Variants in PTPRU observed in about 807,000 individuals in gnomAD.
The protein encoded by PTPRU is receptor-type tyrosine-protein phosphatase U.
In PTPRU, 69 loss-of-function variants were observed where a neutral mutation model predicts 166.3. That is an observed-to-expected ratio of 0.41 (90% CI 0.34 to 0.51). The LOEUF (loss-of-function observed/expected upper bound fraction) is 0.51. Ranked by LOEUF, PTPRU falls within the 20% of genes least tolerant of loss-of-function variation. The pLI is 0.09. For missense variants in PTPRU, 1,657 were observed against 2,013.7 expected, an observed-to-expected ratio of 0.82 and a Z score of 3.39; for synonymous variants, 793 against 814.0, an observed-to-expected ratio of 0.97 and a Z score of 0.44.
At chr1:29,274,107 C>T (rs1034855381) in intron 7 of PTPRU, among the ~76,000 whole-genome samples, 10 of 152,146 alleles carry the variant, frequency 6.6e-5, no homozygotes, top group African/African-American at 1.2e-4. Flanking sequence ...CTCAGCTTAC[C>T]GCAACCTCTG....
At chr1:29,244,766 C>A (rs1428776471) in intron 1 of PTPRU, among the ~76,000 whole-genome samples, 1 of 152,098 alleles carries the variant, frequency 6.6e-6, no homozygotes, top group Non-Finnish European at 1.5e-5. Flanking sequence ...ACACTGCATG[C>A]GTTTGTCATG....
At position 29,260,963 on chromosome 1, in the gene PTPRU, G is replaced by A. The variant is rs1386690637; in HGVS notation, c.1144+60G>A. On this transcript the variant is annotated intron_variant, in intron 7 of 29. Coordinates refer to ENST00000373779, the MANE Select transcript of PTPRU (RefSeq NM_133178.4). The surrounding 1 kb of genome is among the most constrained non-coding windows in gnomAD (Gnocchi z 8.3). ...GGTGGGCCCAGGGCTATGGAGGGGC[G>A]CATTCGAGAGGTAGCGTGGCCTGTG... is the stretch of plus-strand genomic sequence containing the variant. 7.6e-6 allele frequency: 11 copies of A among 1,448,608 alleles called. No individual in the cohort carries two copies. The African/African-American group carries it at 1.2e-4, about 15-fold the overall frequency. The allele number at this position is 1,448,608 out of a possible 1,614,324, so 89.7% of individuals were successfully genotyped here.
At position 29,313,676 on chromosome 1, in the gene PTPRU, T is replaced by C. The variant is rs1369387418; in HGVS notation, c.3227+970T>C. On this transcript the variant is annotated intron_variant, in intron 22 of 29. Coordinates refer to ENST00000373779, the MANE Select transcript of PTPRU (RefSeq NM_133178.4). Reference sequence around the variant, plus strand: ...TTCGAGACCAGCCTGGGCAACATAGTGAGACCTCATTGCTACAAAAATAAA... The same window carrying C: ...TTCGAGACCAGCCTGGGCAACATAGCGAGACCTCATTGCTACAAAAATAAA... 2.6e-5 allele frequency among the ~76,000 whole-genome samples: 4 copies of C among 151,954 alleles called. No homozygotes were observed. The East Asian group carries it at 7.8e-4, about 29-fold the overall frequency.
At chr1:29,264,715 G>A (rs754198030) in intron 7 of PTPRU, among the ~76,000 whole-genome samples, 4 of 151,946 alleles carry the variant, frequency 2.6e-5, no homozygotes, top group Admixed American at 6.6e-5. Flanking sequence ...CATGTTGGCC[G>A]GGCTGGTCTC....
At chr1:29,290,473 C>A (rs928394311) in intron 14 of PTPRU, among the ~76,000 whole-genome samples, 3 of 152,220 alleles carry the variant, frequency 2.0e-5, no homozygotes, top group Non-Finnish European at 4.4e-5. Flanking sequence ...TGTCTTCTCT[C>A]TCTGTCTTCT....
intron 8 of PTPRU, among the ~76,000 whole-genome samples, chr1:29,276,846 C>A (rs1557439466): frequency 1.3e-5 from 2 of 152,052 alleles, no homozygotes; most frequent in East Asian, 3.9e-4. Flanking sequence ...GTTCTGTTTG[C>A]CTTTTGAGAT....
intron 7 of PTPRU, among the ~76,000 whole-genome samples, chr1:29,261,222 G>A (rs1047873553): frequency 3.3e-5 from 5 of 152,214 alleles, no homozygotes; most frequent in African/African-American, 9.7e-5. Context: ...TGGCCCAAGA[G>A]CACACAGCTA....
At chr1:29,255,781 G>A (rs1416549130) in intron 2 of PTPRU, among the ~76,000 whole-genome samples, 2 of 152,160 alleles carry the variant, frequency 1.3e-5, no homozygotes, top group Non-Finnish European at 2.9e-5. Flanking sequence ...GGTCTCTCCA[G>A]GACTTGAAGA....
rs1686657431 is a variant in PTPRU at position 29,291,955 on chromosome 1, A to C, written c.2405A>C (p.Asp802Ala). ...AGCGCCGTGGACCGCAGCTTCACAG[A>C]CCAGAGCACCCTGCAGGAGGACGAG... The part of the protein sequence containing the change: ...MMSAVDRSFT[D>A]QSTLQEDERL... Residue 802 changes from aspartate to alanine, a missense_variant, in exon 15 of 30, where the codon GAC becomes GCC. Physicochemically the swap from Asp to Ala is moderately radical, Grantham distance 126 (BLOSUM62 -2). This residue lies in a region of PTPRU where 1,190 missense variants were observed against 1,477.4 expected (regional missense o/e 0.81). Coordinates refer to ENST00000373779, the MANE Select transcript of PTPRU (RefSeq NM_133178.4). This position sits in a 1 kb window ranked among gnomAD's most constrained non-coding sequence, Gnocchi z 4.1. The C allele has an allele frequency of 6.2e-7, 1 of 1,614,142 alleles. No individual in the cohort carries two copies. The highest frequency in any genetic ancestry group is 8.5e-7 in the Non-Finnish European group (1 of 1,180,024).
intron 1 of PTPRU, among the ~76,000 whole-genome samples, chr1:29,247,812 C>T (rs1313254105): frequency 2.0e-5 from 3 of 152,174 alleles, no homozygotes; most frequent in Non-Finnish European, 2.9e-5. Flanking sequence ...TGGTTTCCTT[C>T]CATTCTCCGT....
intron 8 of PTPRU, among the ~76,000 whole-genome samples, chr1:29,276,871 T>C (rs1349839580): frequency 6.6e-6 from 1 of 152,186 alleles, no homozygotes; most frequent in Non-Finnish European, 1.5e-5. Context: ...GTTTCTTAGA[T>C]CATTAATACT....
intron 15 of PTPRU, 106 bp downstream of exon 15, chr1:29,292,132 T>C: frequency 7.2e-7 from 1 of 1,383,166 alleles, no homozygotes; most frequent in Non-Finnish European, 9.8e-7. Flanking sequence ...CAACCAAAAG[T>C]GAAGCATCTG....
rs144860309 is a variant in PTPRU, at chr1:29,308,739, C to A, written c.2821-2005C>A. Among the ~76,000 whole-genome samples, 461 of 151,876 alleles carry A rather than the reference C, an allele frequency of 3.0e-3. 2 individuals are homozygous for A. The highest frequency in any genetic ancestry group is 5.1e-3 in the Admixed American group (78 of 15,240). ...CCTTTTTCTTTTAAAAAATATATTTCTTGGCTGGGTGCAGTGGCTCACACC... is the reference window on the plus strand; with the variant it reads ...CCTTTTTCTTTTAAAAAATATATTTATTGGCTGGGTGCAGTGGCTCACACC... On this transcript the variant is annotated intron_variant, in intron 18 of 29. Transcript: ENST00000373779.
chr1:29,326,256 T>G lies in PTPRU; in HGVS notation c.*595T>G, dbSNP rs1688404969. 5.1e-6 allele frequency: 1 copy of G among 195,464 alleles called. No individual in the cohort carries two copies. The allele number at this position is 195,464 out of a possible 1,614,324, so 12.1% of individuals were successfully genotyped here. On this transcript the variant is annotated 3_prime_UTR_variant, in exon 30 of 30. Transcript: ENST00000373779. ...CCACTGCCCCCTGCAGCCCCTGAGA[T>G]ATTTTGCTCACTATCCCTCCCCACT...
chr1:29,312,019 T>C (rs1687687922), intron 21 of PTPRU, among the ~76,000 whole-genome samples: 2 of 152,236 alleles, frequency 1.3e-5, no homozygotes, highest in South Asian at 4.1e-4. Flanking sequence ...TACTCTGTGC[T>C]GAGCCTGTTA....
intron 25 of PTPRU, among the ~76,000 whole-genome samples, 184 bp downstream of exon 25, chr1:29,318,105 C>T (rs1355520376): frequency 3.3e-5 from 5 of 152,174 alleles, no homozygotes; most frequent in Admixed American, 6.5e-5. Flanking sequence ...CAAGCCAGTG[C>T]CCCCCACACT....
At chr1:29,250,266 C>T (rs1684492319) in intron 1 of PTPRU, among the ~76,000 whole-genome samples, 1 of 152,104 alleles carries the variant, frequency 6.6e-6, no homozygotes, top group Non-Finnish European at 1.5e-5. Flanking sequence ...CATCCTTGTA[C>T]CTCTAATAGT....
chr1:29,282,865 G>A lies in PTPRU; in HGVS notation c.2058G>A (p.Gln686=). Reference sequence around the variant, plus strand: ...TGCCCTTTACCGTGGGTGACAACCAGACCTACCGAGGCTTCTGGAACCCAC... The same window carrying A: ...TGCCCTTTACCGTGGGTGACAACCAAACCTACCGAGGCTTCTGGAACCCAC... ...EAMPFTVGDN[Q]TYRGFWNPPL... is the part of the protein sequence containing the mutation. Residue 686 remains glutamine, a synonymous_variant, in exon 12 of 30, where the codon CAG becomes CAA. Coordinates refer to ENST00000373779, the MANE Select transcript of PTPRU (RefSeq NM_133178.4). 6.2e-7 allele frequency: 1 copy of A among 1,614,098 alleles called. No individual in the cohort carries two copies. Among genetic ancestry groups the A allele is most frequent in the African/African-American group, 1.3e-5 (1 of 75,022 alleles).
rs1027556711 is a variant in PTPRU at position 29,279,989 on chromosome 1, T to G, written c.1766-50T>G. 2.6e-5 allele frequency: 40 copies of G among 1,541,434 alleles called. No individual in the cohort carries two copies. The highest frequency in any genetic ancestry group is 3.4e-5 in the Non-Finnish European group (38 of 1,116,212). On this transcript the variant is annotated intron_variant, in intron 10 of 29. Coordinates refer to ENST00000373779, the MANE Select transcript of PTPRU (RefSeq NM_133178.4). The surrounding 1 kb of genome is among the most constrained non-coding windows in gnomAD (Gnocchi z 5.2). ...GTCAAGGAGGCTGGAAGCCTGGTCTTCCTGGTCCAGTGGCCAAGCTCCAGC... is the reference window on the plus strand; with the variant it reads ...GTCAAGGAGGCTGGAAGCCTGGTCTGCCTGGTCCAGTGGCCAAGCTCCAGC...
Sources: allele counts gnomAD v4.1 joint callset (sites outside exome capture counted in the v4.1 genomes callset), GRCh38; gene constraint gnomAD v4.1.1; regional missense constraint gnomAD v4.1.1; non-coding constraint Gnocchi (gnomAD v3.1); transcripts MANE v1.5; gene names NCBI Gene and HGNC (gene_info 2026-07-23, HGNC 2026-07-21).